The following OSBPL5 variants were observed in gnomAD, a reference collection of about 807,000 sequenced individuals.
OSBPL5 encodes oxysterol-binding protein-related protein 5.
OSBPL5 carries 71 observed loss-of-function variants against 111.2 expected under a neutral mutation model. That is an observed-to-expected ratio of 0.64 (90% confidence interval 0.53 to 0.78). The LOEUF is 0.78. OSBPL5 is among the 30% of genes least tolerant of loss of function. The pLI is 0.00. For synonymous variants in OSBPL5, 549 were observed against 513.9 expected (o/e 1.07, Z -0.93); for missense variants, 1,210 against 1,189.3 (o/e 1.02, Z -0.26).
intron 17 of OSBPL5, 139 bp from the exon 18 acceptor site, chr11:3,093,191 T>C: frequency 1.1e-6 from 1 of 939,310 alleles, no homozygotes. Flanking sequence ...GGGAGCTCAC[T>C]ACTTTGAAGA....
intron 14 of OSBPL5, among the ~76,000 whole-genome samples, chr11:3,097,674 A>G (rs1273458481): frequency 6.6e-6 from 1 of 152,216 alleles, no homozygotes; most frequent in Non-Finnish European, 1.5e-5. Flanking sequence ...TATGAGAGTG[A>G]CCAGCTAGAG....
At chr11:3,144,023 G>C (rs1846243406) in intron 1 of OSBPL5, among the ~76,000 whole-genome samples, 1 of 152,152 alleles carries the variant, frequency 6.6e-6, no homozygotes, top group South Asian at 2.1e-4. Context: ...CAGGCCTGGC[G>C]GGGGCCAGCT....
At position 3,100,143 on chromosome 11, in the gene OSBPL5, G is replaced by A. The variant is rs762542631; in HGVS notation, c.1621+15C>T. 3 of 1,612,762 alleles carry A rather than the reference G, an allele frequency of 1.9e-6. No individual in the cohort carries two copies. Among genetic ancestry groups the A allele is most frequent in the Non-Finnish European group, 2.5e-6 (3 of 1,178,986 alleles). On this transcript the variant is annotated intron_variant, in intron 14 of 21. Transcript: ENST00000263650. ...GCCTGGCTCTGCCCTCGGAGTGTGT[G>A]GCTGAGCCTCTCACCTTTGCAGTGG...
At position 3,095,610 on chromosome 11, in the gene OSBPL5, C is replaced by A. The variant is rs1486975975; in HGVS notation, c.1622-1276G>T. ...TAATAACTGAAAGGTTCTGAAATCA[C>A]CAAATACGTTCCTATCAAATAATAC... On this transcript the variant is annotated intron_variant, in intron 14 of 21. Coordinates refer to ENST00000263650, the MANE Select transcript of OSBPL5 (RefSeq NM_020896.4). Among the ~76,000 whole-genome samples the A allele has an allele frequency of 2.0e-5, 3 of 152,152 alleles. No homozygotes were observed. The East Asian group carries it at 5.8e-4, about 29-fold the overall frequency.
chr11:3,131,810 C>T (rs1168128753), intron 1 of OSBPL5, among the ~76,000 whole-genome samples: 3 of 145,106 alleles, frequency 2.1e-5, no homozygotes, highest in South Asian at 2.2e-4. Context: ...TTCATTCATC[C>T]ATCCATCCAT....
intron 2 of OSBPL5, 36 bp downstream of exon 2, chr11:3,128,977 G>A (rs755938343): frequency 4.7e-6 from 7 of 1,475,922 alleles, no homozygotes; most frequent in Non-Finnish European, 6.3e-6. Context: ...GGCCCAAGCT[G>A]AGGGCCAGGT....
intron 6 of OSBPL5, 137 bp downstream of exon 6, chr11:3,120,284 C>T (rs1858356630): frequency 4.7e-6 from 5 of 1,054,018 alleles, no homozygotes; most frequent in Middle Eastern, 2.1e-4. Context: ...GCATGTGGGG[C>T]TCAGAGAAGG....
Position 3,130,788 on chromosome 11 carries a change from C to T in OSBPL5, c.-21-1619G>A, listed in dbSNP as rs536436162. On this transcript the variant is annotated intron_variant, in intron 1 of 21. Coordinates refer to ENST00000263650, the MANE Select transcript of OSBPL5 (RefSeq NM_020896.4). The surrounding 1 kb of genome is among the most constrained non-coding windows in gnomAD (Gnocchi z 4.5). ...TCTCAGCTTGGCTCAGCCAACCTGC[C>T]GCAGGGAAGCAGGCAGATGGGAAGT... 3.9e-5 allele frequency among the ~76,000 whole-genome samples: 6 copies of T among 152,194 alleles called. No individual in the cohort carries two copies. The highest frequency in any genetic ancestry group is 5.9e-5 in the Non-Finnish European group (4 of 68,034).
At position 3,088,339 on chromosome 11, in the gene OSBPL5, G is replaced by C. The variant is rs765360153; in HGVS notation, c.2506C>G (p.Leu836Val). ...GCCGTGGAGCTCAGCATGGCCGAGA[G>C]GTGCCTGCAAGGACAGGCGACAGAT... ...REAQQELHRH[L>V]SAMLSSTARA... The change falls in exon 22 of 22, where the codon CTC (leucine) becomes GTC (valine). Residue 836 changes from leucine (L) to valine (V), a missense_variant. Transcript: ENST00000263650. 9 of 1,570,202 alleles carry C rather than the reference G, an allele frequency of 5.7e-6. No homozygotes were observed. Among genetic ancestry groups the C allele is most frequent in the Admixed American group, 1.8e-5 (1 of 54,686 alleles).
At chr11:3,149,252 A>T (rs1182081794) in intron 1 of OSBPL5, among the ~76,000 whole-genome samples, 1 of 152,218 alleles carries the variant, frequency 6.6e-6, no homozygotes, top group Non-Finnish European at 1.5e-5. Context: ...GCCGGAATGC[A>T]GCAGAGGCCC....
In OSBPL5 at chr11:3,090,540, G is replaced by A; in HGVS notation, c.2398+18C>T. On this transcript the variant is annotated intron_variant, in intron 20 of 21. Coordinates refer to ENST00000263650, the MANE Select transcript of OSBPL5 (RefSeq NM_020896.4). Reference sequence around the variant, plus strand: ...CCCACCAGACAGAGGCCTTGGGGCTGGGCCCAAGGGGGCTCACCAGGGACA... The same window carrying A: ...CCCACCAGACAGAGGCCTTGGGGCTAGGCCCAAGGGGGCTCACCAGGGACA... 2 of 1,608,670 alleles carry A rather than the reference G, an allele frequency of 1.2e-6. No homozygotes were observed. Among genetic ancestry groups the A allele is most frequent in the Middle Eastern group, 1.7e-4 (1 of 6,038 alleles).
At chr11:3,164,967 T>C (rs7924421) in intron 1 of OSBPL5, among the ~76,000 whole-genome samples, 102,740 of 150,020 alleles carry the variant, frequency 0.68, 35,481 homozygotes, top group African/African-American at 0.74. Flanking sequence ...CGCCGACCCG[T>C]CCTGGCCCGG....
At chr11:3,090,515 C>T (rs2134378813) in intron 20 of OSBPL5, 43 bp downstream of exon 20, 1 of 1,592,490 alleles carries the variant, frequency 6.3e-7, no homozygotes, top group African/African-American at 1.3e-5. Context: ...TCTGAGGCAC[C>T]CCACCAGACA....
At chr11:3,118,947 GTAAT>G (rs1490240606) in intron 7 of OSBPL5, among the ~76,000 whole-genome samples, 1 of 151,828 alleles carries the variant, frequency 6.6e-6, no homozygotes, top group Non-Finnish European at 1.5e-5. Context: ...TTGGAGCTCA[GTAAT>G]TGTTATATGG....
rs1857174214 is a variant in OSBPL5 at position 3,094,343 on chromosome 11, C to CA, written c.1622-10dup. The CA allele has an allele frequency of 3.7e-6, 6 of 1,611,650 alleles. No individual in the cohort carries two copies. Among genetic ancestry groups the CA allele is most frequent in the Non-Finnish European group, 4.2e-6 (5 of 1,178,820 alleles). ...CGTGCCATACAGGATTCCTGAAATG[C>CA]AGCCAGTGTCAGGGGCCAGGCGGCC... On this transcript the variant is annotated splice_polypyrimidine_tract_variant and intron_variant, in intron 14 of 21. Transcript: ENST00000263650.
intron 17 of OSBPL5, 149 bp downstream of exon 17, chr11:3,093,378 C>G: frequency 1.6e-6 from 2 of 1,253,358 alleles, no homozygotes; most frequent in Non-Finnish European, 2.2e-6. Flanking sequence ...TTCCAGGACA[C>G]GTGATCTGCC....
rs1024055577 is a variant in OSBPL5 at position 3,165,267 on chromosome 11, C to A, written c.-73G>T. ...TCCGGGCCGGCCGGGCGCGCGGGGG[C>A]TCCACTGGCGGCGCGGGCCTGGCTG... On this transcript the variant is annotated 5_prime_UTR_variant, in exon 1 of 22. Coordinates refer to ENST00000263650, the MANE Select transcript of OSBPL5 (RefSeq NM_020896.4). This position sits in a 1 kb window ranked among gnomAD's most constrained non-coding sequence, Gnocchi z 7.4. 1.3e-5 allele frequency: 2 copies of A among 151,374 alleles called. No individual in the cohort carries two copies. Among genetic ancestry groups the A allele is most frequent in the African/African-American group, 2.4e-5 (1 of 41,336 alleles). The allele number at this position is 151,374 out of a possible 1,614,324, so 9.4% of individuals were successfully genotyped here.
At chr11:3,128,758 T>C (rs1445159278) in intron 2 of OSBPL5, among the ~76,000 whole-genome samples, 1 of 152,020 alleles carries the variant, frequency 6.6e-6, no homozygotes, top group Non-Finnish European at 1.5e-5. Flanking sequence ...ATGACTGCAC[T>C]CCATAACTCC....
chr11:3,092,872 GTA>G lies in OSBPL5; in HGVS notation c.2125_2126del (p.Tyr709ArgfsTer16), dbSNP rs1857111659. 2 of 1,539,174 alleles carry G rather than the reference GTA, an allele frequency of 1.3e-6. No homozygotes were observed. ...DPITQEWHYRYEDHSPWDPLK... is the reference protein window; with the variant it reads ...DPITQEWHYRXEDHSPWDPLK... ...AGGGCTTTGTCGGCACTCACTCCTC[GTA>G]TCGGTAGTGCCACTCCTGGGTGATG... On this transcript the variant is annotated frameshift_variant, in exon 18 of 22. Coordinates refer to ENST00000263650, the MANE Select transcript of OSBPL5 (RefSeq NM_020896.4). LOFTEE classifies it high-confidence loss of function. This position sits in a 1 kb window ranked among gnomAD's most constrained non-coding sequence, Gnocchi z 5.4.
Sources: gnomAD v4.1 joint callset for allele counts (sites outside exome capture counted in the v4.1 genomes callset) on GRCh38, gnomAD v4.1.1 for gene constraint, Gnocchi (gnomAD v3.1) non-coding constraint, MANE v1.5 for transcripts, NCBI Gene and HGNC (gene_info 2026-07-23, HGNC 2026-07-21) for gene names.